The following ARNT variants were observed in gnomAD, a reference collection of about 807,000 sequenced individuals.
ARNT encodes aryl hydrocarbon receptor nuclear translocator, also known as class E basic helix-loop-helix protein 2.
A neutral mutation model predicts 105.0 loss-of-function variants in ARNT; 30 were observed. That is an observed-to-expected ratio of 0.29 (90% confidence interval 0.21 to 0.39). The LOEUF (loss-of-function observed/expected upper bound fraction) is 0.39. Ranked by LOEUF, ARNT falls within the 10% of genes least tolerant of loss-of-function variation. The pLI is 1.00. For synonymous variants in ARNT, 304 were observed against 344.0 expected (o/e 0.88, Z 1.29); for missense variants, 748 against 978.7 (o/e 0.76, Z 3.15).
Position 150,823,355 on chromosome 1 carries a change from T to C in ARNT, c.1243-10A>G. On this transcript the variant is annotated splice_polypyrimidine_tract_variant and intron_variant, in intron 13 of 21. Transcript: ENST00000358595. ...CTTTTAATTTCACTACCTGAAAAAG[T>C]TTTCATGCCATCAGTGGAACTCATA... 1 of 1,583,560 alleles carries C rather than the reference T, an allele frequency of 6.3e-7. No individual in the cohort carries two copies. The highest frequency in any genetic ancestry group is 8.6e-7 in the Non-Finnish European group (1 of 1,162,122).
At chr1:150,856,087 T>C (rs1489024353) in intron 2 of ARNT, among the ~76,000 whole-genome samples, 1 of 152,152 alleles carries the variant, frequency 6.6e-6, no homozygotes, top group Non-Finnish European at 1.5e-5. Context: ...AAAAACATGG[T>C]AGTAGATTTT....
Position 150,830,087 on chromosome 1 carries a change from C to T in ARNT, c.956-107G>A, listed in dbSNP as rs587604205. ...ATAGACCTATTTATGGGCCAGGCAC[C>T]GTGGCTGACGCCTGTAATCCCAACA... On this transcript the variant is annotated intron_variant, in intron 10 of 21. Transcript: ENST00000358595. The T allele has an allele frequency of 1.2e-5, 15 of 1,247,944 alleles. No homozygotes were observed. The African/African-American group carries it at 1.9e-4, about 16-fold the overall frequency. 77.3% of individuals were successfully genotyped at this position (1,247,944 alleles called of 1,614,324 possible). A position where few individuals can be genotyped will look rare whatever the true frequency, so the allele number is the denominator to read the frequency against.
At chr1:150,873,697 T>C (rs587628598) in intron 1 of ARNT, among the ~76,000 whole-genome samples, 1 of 151,992 alleles carries the variant, frequency 6.6e-6, no homozygotes, top group Non-Finnish European at 1.5e-5. Context: ...GGTGGGAGGA[T>C]TGCTTGAGGA....
chr1:150,859,299 A>G (rs990995629), intron 1 of ARNT, among the ~76,000 whole-genome samples: 2 of 147,898 alleles, frequency 1.4e-5, no homozygotes, highest in African/African-American at 2.5e-5. Context: ...TCTCCTTCCA[A>G]TTCAATCTCA....
intron 2 of ARNT, among the ~76,000 whole-genome samples, chr1:150,854,174 C>A (rs1036705683): frequency 6.6e-6 from 1 of 152,328 alleles, no homozygotes; most frequent in Non-Finnish European, 1.5e-5. Flanking sequence ...CCACCTTGAG[C>A]TCCTGGGCTC....
At chr1:150,823,613 C>T (rs1445266995) in intron 13 of ARNT, among the ~76,000 whole-genome samples, 2 of 149,630 alleles carry the variant, frequency 1.3e-5, no homozygotes, top group Non-Finnish European at 3.0e-5. Flanking sequence ...TGCAGTGGCA[C>T]GATCTCTGCT....
rs999005584 is a variant in ARNT, at chr1:150,864,742, C to T, written c.26-6282G>A. Among the ~76,000 whole-genome samples, 186 of 140,612 alleles carry T rather than the reference C, an allele frequency of 1.3e-3. 1 individual carries two copies. Among genetic ancestry groups the T allele is most frequent in the African/African-American group, 4.6e-3 (177 of 38,350 alleles). 92.2% of individuals were successfully genotyped at this position (140,612 alleles called of 152,430 possible). Reference sequence around the variant, plus strand: ...CTAACCTGCACAATGTGCACATGTACCCTAAAACTTAAAGTATAATAAAAA... The same window carrying T: ...CTAACCTGCACAATGTGCACATGTATCCTAAAACTTAAAGTATAATAAAAA... On this transcript the variant is annotated intron_variant, in intron 1 of 21. Transcript: ENST00000358595.
At chr1:150,841,144 G>C (rs1309601212) in intron 5 of ARNT, among the ~76,000 whole-genome samples, 1 of 149,976 alleles carries the variant, frequency 6.7e-6, no homozygotes. Flanking sequence ...TAGAGACGCG[G>C]TTTCACCAAG....
At chr1:150,855,140 G>GA (rs587673655) in intron 2 of ARNT, among the ~76,000 whole-genome samples, 2 of 151,496 alleles carry the variant, frequency 1.3e-5, no homozygotes, top group South Asian at 2.1e-4. Flanking sequence ...TATGAAATAG[G>GA]AAAAAAAAGT....
intron 1 of ARNT, among the ~76,000 whole-genome samples, chr1:150,859,279 A>C (rs1665175484): frequency 7.1e-6 from 1 of 139,996 alleles, no homozygotes; most frequent in Admixed American, 7.1e-5. Context: ...TGCCCCCCGT[A>C]CCTCTCCTCT....
chr1:150,865,143 C>T (rs183377182), intron 1 of ARNT, among the ~76,000 whole-genome samples: 46 of 152,028 alleles, frequency 3.0e-4, no homozygotes, highest in Admixed American at 2.2e-3. Context: ...GATGGCACAA[C>T]GAAAAGGTAG....
intron 19 of ARNT, among the ~76,000 whole-genome samples, chr1:150,815,244 T>C (rs1655578348): frequency 6.6e-6 from 1 of 152,020 alleles, no homozygotes; most frequent in African/African-American, 2.4e-5. Flanking sequence ...ATTATATATA[T>C]GAATATTATA....
intron 3 of ARNT, among the ~76,000 whole-genome samples, chr1:150,850,645 C>T (rs1571391708): frequency 6.6e-6 from 1 of 152,372 alleles, no homozygotes; most frequent in South Asian, 2.1e-4. Context: ...CCTCCACCTC[C>T]CAGCCGCCTG....
In ARNT at chr1:150,846,459, T is replaced by C. The variant is rs587610188; in HGVS notation, c.183-152A>G. 618 of 712,246 alleles carry C rather than the reference T, an allele frequency of 8.7e-4. 1 individual carries two copies. Among genetic ancestry groups the C allele is most frequent in the Middle Eastern group, 1.6e-3 (4 of 2,510 alleles). 44.1% of individuals were successfully genotyped at this position (712,246 alleles called of 1,614,324 possible). On this transcript the variant is annotated intron_variant, in intron 3 of 21. Coordinates refer to ENST00000358595, the MANE Select transcript of ARNT (RefSeq NM_001668.4). The stretch of plus-strand genomic sequence containing the variant: ...TGATAGAAATAACAGCAGCACCCCA[T>C]AGAACTTAAAAGACCCACAACTATT...
chr1:150,834,401 T>G (rs1659894766), intron 8 of ARNT, 137 bp downstream of exon 8: 1 of 765,846 alleles, frequency 1.3e-6, no homozygotes, highest in Admixed American at 2.6e-5. Context: ...AATACTTTAT[T>G]CTGTGTTACA....
At chr1:150,856,228 A>G (rs1001970244) in intron 2 of ARNT, among the ~76,000 whole-genome samples, 21 of 152,160 alleles carry the variant, frequency 1.4e-4, no homozygotes, top group Admixed American at 5.2e-4. Context: ...TCACGAGGTC[A>G]GGAGATCGAG....
At chr1:150,857,043 T>C (rs1190996425) in intron 2 of ARNT, among the ~76,000 whole-genome samples, 1 of 152,144 alleles carries the variant, frequency 6.6e-6, no homozygotes, top group East Asian at 1.9e-4. Flanking sequence ...ATCTGAAAAA[T>C]CAAAAACAAA....
At chr1:150,849,070 G>T (rs138598239) in intron 3 of ARNT, among the ~76,000 whole-genome samples, 1,771 of 152,166 alleles carry the variant, frequency 0.012, 13 homozygotes, top group Admixed American at 0.026. Flanking sequence ...GGGCATGGTA[G>T]TGCATGCCTG....
Position 150,852,780 on chromosome 1 carries a change from C to T in ARNT, c.164G>A (p.Gly55Glu), listed in dbSNP as rs778132479. 6.2e-7 allele frequency: 1 copy of T among 1,613,802 alleles called. No individual in the cohort carries two copies. The highest frequency in any genetic ancestry group is 8.5e-7 in the Non-Finnish European group (1 of 1,179,900). ...CTCTTACCTCAAAAATTTACTGTTC[C>T]CTTCTCCATCATCATCAAAATCCAG... is the stretch of plus-strand genomic sequence containing the variant. ...PGLDFDDDGE[G>E]NSKFLRCDDD... is the part of the protein sequence containing the mutation. The change falls in exon 3 of 22, where the codon GGG becomes GAG. Residue 55 changes from glycine (G) to glutamate (E), a missense_variant. Physicochemically the swap from Gly to Glu is moderately conservative, Grantham distance 98. This residue lies in a region of ARNT where 93 missense variants were observed against 101.6 expected (regional missense o/e 0.92). Coordinates refer to ENST00000358595, the MANE Select transcript of ARNT (RefSeq NM_001668.4).
Sources: gnomAD v4.1 joint callset for allele counts (sites outside exome capture counted in the v4.1 genomes callset) on GRCh38, gnomAD v4.1.1 for gene constraint, gnomAD v4.1.1 regional missense constraint, MANE v1.5 for transcripts, NCBI Gene and HGNC (gene_info 2026-07-23, HGNC 2026-07-21) for gene names.